EXOC6B: variants seen among roughly 807,000 people sequenced by gnomAD.
The protein encoded by EXOC6B is exocyst complex component 6B.
A neutral mutation model predicts 113.5 loss-of-function variants in EXOC6B; 54 were observed. That is an observed-to-expected ratio of 0.48 (90% CI 0.38 to 0.60). The LOEUF is 0.60. EXOC6B is among the 20% of genes least tolerant of loss of function. EXOC6B has a pLI of 0.00. For synonymous variants in EXOC6B, 357 were observed against 339.0 expected, an observed-to-expected ratio of 1.05 and a Z score of -0.58; for missense variants, 797 against 977.5, an observed-to-expected ratio of 0.82 and a Z score of 2.46.
At chr2:72,221,054 G>A (rs1311863161) in intron 20 of EXOC6B, among the ~76,000 whole-genome samples, 5 of 152,174 alleles carry the variant, frequency 3.3e-5, no homozygotes, top group Non-Finnish European at 1.5e-5. Context: ...CTACTGATCT[G>A]TTGAACGCTA....
chr2:72,701,981 T>C (rs1160335181), intron 6 of EXOC6B, among the ~76,000 whole-genome samples: 1 of 151,902 alleles, frequency 6.6e-6, no homozygotes, highest in African/African-American at 2.4e-5. Flanking sequence ...GCAGGTTAGT[T>C]ACATATGTAT....
intron 6 of EXOC6B, among the ~76,000 whole-genome samples, chr2:72,646,002 G>T (rs1430165795): frequency 6.6e-6 from 1 of 152,206 alleles, no homozygotes; most frequent in Admixed American, 6.5e-5. Context: ...GTGAATCCAG[G>T]AGCTGGTTTT....
At chr2:72,299,149 A>G (rs946917479) in intron 20 of EXOC6B, among the ~76,000 whole-genome samples, 1 of 152,048 alleles carries the variant, frequency 6.6e-6, no homozygotes, top group African/African-American at 2.4e-5. Context: ...GTCTTTTCAC[A>G]TAGTCCAATA....
At chr2:72,357,132 A>G (rs1414677912) in intron 19 of EXOC6B, among the ~76,000 whole-genome samples, 1 of 152,236 alleles carries the variant, frequency 6.6e-6, no homozygotes, top group Admixed American at 6.5e-5. Context: ...ATCATCTGAC[A>G]TCAATATAAA....
intron 6 of EXOC6B, among the ~76,000 whole-genome samples, chr2:72,584,696 T>C (rs1241791436): frequency 6.6e-6 from 1 of 152,166 alleles, no homozygotes; most frequent in African/African-American, 2.4e-5. Context: ...CCATCAACCA[T>C]GAATATACAT....
chr2:72,375,631 A>G (rs1000123262), intron 19 of EXOC6B, among the ~76,000 whole-genome samples: 1 of 152,204 alleles, frequency 6.6e-6, no homozygotes, highest in Non-Finnish European at 1.5e-5. Context: ...AAAACATGAC[A>G]TATCAAAATT....
rs566252121 is a variant in EXOC6B, at chr2:72,369,771, C to T, written c.2122+9958G>A. ...AAGCAAGAAATGGGGAAAGGATTCCCTATTTAACAAATGGTGCTGGGAAAA... is the reference window on the plus strand; with the variant it reads ...AAGCAAGAAATGGGGAAAGGATTCCTTATTTAACAAATGGTGCTGGGAAAA... On this transcript the variant is annotated intron_variant, in intron 19 of 21. Transcript: ENST00000272427. 4.6e-5 allele frequency among the ~76,000 whole-genome samples: 7 copies of T among 152,296 alleles called. No individual in the cohort carries two copies. In the East Asian group the frequency reaches 9.6e-4, roughly 21 times the overall value.
At chr2:72,659,622 T>C (rs1336212512) in intron 6 of EXOC6B, among the ~76,000 whole-genome samples, 1 of 152,142 alleles carries the variant, frequency 6.6e-6, no homozygotes, top group Non-Finnish European at 1.5e-5. Context: ...ACTATTGCAG[T>C]GACCACAGTG....
In EXOC6B at chr2:72,498,544, C is replaced by T; in HGVS notation, c.1247G>A (p.Gly416Asp). 1 of 1,606,424 alleles carries T rather than the reference C, an allele frequency of 6.2e-7. No individual in the cohort carries two copies. The highest frequency in any genetic ancestry group is 8.5e-7 in the Non-Finnish European group (1 of 1,176,652). ...GTCAAAAAGCTGATTTACAGGGAAA[C>T]CATACACCTGAAACAAAATAAGAAA... ...VLFADTLQVY[G>D]FPVNQLFDML... is the part of the protein sequence containing the mutation. Residue 416 changes from glycine (G) to aspartate (D), a missense_variant, in exon 13 of 22, where the codon GGT (glycine) becomes GAT (aspartate). Coordinates refer to ENST00000272427, the MANE Select transcript of EXOC6B (RefSeq NM_015189.3).
chr2:72,530,314 A>T (rs960920634), intron 8 of EXOC6B, among the ~76,000 whole-genome samples: 3 of 152,168 alleles, frequency 2.0e-5, no homozygotes, highest in Non-Finnish European at 4.4e-5. Context: ...CTTCATTTTC[A>T]TTCAGTTCAA....
intron 1 of EXOC6B, among the ~76,000 whole-genome samples, chr2:72,743,675 T>C (rs1681501122): frequency 6.6e-6 from 1 of 152,184 alleles, no homozygotes; most frequent in African/African-American, 2.4e-5. Flanking sequence ...AGACAGGTAG[T>C]AGACAATAAG....
At chr2:72,684,173 C>T (rs747164967) in intron 6 of EXOC6B, among the ~76,000 whole-genome samples, 1 of 152,096 alleles carries the variant, frequency 6.6e-6, no homozygotes, top group Admixed American at 6.6e-5. Context: ...GTGATCTACC[C>T]GCCTCGGCCT....
chr2:72,444,277 T>C (rs943158316), intron 18 of EXOC6B, among the ~76,000 whole-genome samples: 8 of 152,216 alleles, frequency 5.3e-5, no homozygotes, highest in African/African-American at 1.9e-4. Context: ...GGATTCCCAT[T>C]ATCTTAGGCA....
At chr2:72,282,510 AAAAG>A (rs571892351) in intron 20 of EXOC6B, among the ~76,000 whole-genome samples, 99 of 152,226 alleles carry the variant, frequency 6.5e-4, no homozygotes, top group African/African-American at 2.3e-3. Flanking sequence ...AGTTAAAAAA[AAAAG>A]AAAGGGAGAA....
intron 18 of EXOC6B, among the ~76,000 whole-genome samples, chr2:72,403,820 AG>A (rs1693519354): frequency 1.3e-5 from 2 of 152,184 alleles, no homozygotes; most frequent in African/African-American, 4.8e-5. Context: ...TTTCCAACTG[AG>A]GTACCGGGTT....
At chr2:72,771,186 C>T (rs547143440) in intron 1 of EXOC6B, among the ~76,000 whole-genome samples, 51 of 152,274 alleles carry the variant, frequency 3.3e-4, no homozygotes, top group Non-Finnish European at 5.9e-4. Context: ...ATAAAACACT[C>T]GCCAATTAAT....
At chr2:72,667,702 T>C (rs1469327949) in intron 6 of EXOC6B, among the ~76,000 whole-genome samples, 1 of 152,130 alleles carries the variant, frequency 6.6e-6, no homozygotes, top group Non-Finnish European at 1.5e-5. Context: ...CCCCTACCTT[T>C]CATCAGATTC....
intron 1 of EXOC6B, among the ~76,000 whole-genome samples, chr2:72,803,943 A>T (rs1258254437): frequency 2.0e-5 from 3 of 152,246 alleles, no homozygotes. Context: ...AAGTTAGGCC[A>T]TACCCAAACT....
chr2:72,629,829 T>C (rs1409648746), intron 6 of EXOC6B, among the ~76,000 whole-genome samples: 1 of 152,194 alleles, frequency 6.6e-6, no homozygotes, highest in Non-Finnish European at 1.5e-5. Flanking sequence ...TCAGGCTTTG[T>C]AAACTCTGTC....
Sources: allele counts gnomAD v4.1 joint callset (sites outside exome capture counted in the v4.1 genomes callset), GRCh38; gene constraint gnomAD v4.1.1; transcripts MANE v1.5; gene names NCBI Gene and HGNC (gene_info 2026-07-23, HGNC 2026-07-21).